FSTL5: variants seen among roughly 807,000 people sequenced by gnomAD.
FSTL5 encodes follistatin-related protein 5.
Under a neutral mutation model 89.1 loss-of-function variants are expected in FSTL5, and 62 were observed. The observed-to-expected ratio is 0.70, with a 90% confidence interval of 0.57 to 0.86. The LOEUF (loss-of-function observed/expected upper bound fraction) is 0.86. Ranked by LOEUF, FSTL5 falls within the 40% of genes least tolerant of loss-of-function variation. The probability of loss-of-function intolerance (pLI) is 0.00; values close to 1 mark genes in which losing one functional copy is unlikely to be tolerated. For missense variants in FSTL5, 1,057 were observed against 1,001.6 expected (o/e 1.06, Z -0.75); for synonymous variants, 383 against 346.2 (o/e 1.11, Z -1.18).
chr4:162,149,479 TAA>T (rs946194086), intron 1 of FSTL5, among the ~76,000 whole-genome samples: 7 of 89,084 alleles, frequency 7.9e-5, no homozygotes, highest in African/African-American at 1.5e-4. Flanking sequence ...ATGTAAAATT[TAA>T]AAAAAAAAAA....
At chr4:161,827,269 T>TA (rs1730697448) in intron 4 of FSTL5, among the ~76,000 whole-genome samples, 1 of 152,222 alleles carries the variant, frequency 6.6e-6, no homozygotes. Context: ...GGAGTGGTTC[T>TA]AGGGAGTGCC....
chr4:162,104,281 G>C (rs980418917), intron 2 of FSTL5, among the ~76,000 whole-genome samples: 1 of 152,116 alleles, frequency 6.6e-6, no homozygotes, highest in African/African-American at 2.4e-5. Context: ...GTTCTCTTCC[G>C]TGACCAATGG....
chr4:161,412,276 CA>C (rs1400798705), intron 15 of FSTL5, among the ~76,000 whole-genome samples: 3 of 152,038 alleles, frequency 2.0e-5, no homozygotes, highest in African/African-American at 7.3e-5. Flanking sequence ...AAGCATTTTA[CA>C]AATGCAATGC....
At chr4:161,485,005 G>A (rs776751742) in intron 12 of FSTL5, among the ~76,000 whole-genome samples, 4 of 152,102 alleles carry the variant, frequency 2.6e-5, no homozygotes, top group Non-Finnish European at 5.9e-5. Flanking sequence ...TAAGAAAAAG[G>A]AGTACAATTT....
chr4:162,110,796 T>C (rs149555700), intron 2 of FSTL5, among the ~76,000 whole-genome samples: 4 of 151,788 alleles, frequency 2.6e-5, no homozygotes, highest in Admixed American at 2.6e-4. Context: ...AAACCCCATA[T>C]TGTGAAAATT....
chr4:161,851,621 A>G (rs1370859161), intron 4 of FSTL5, among the ~76,000 whole-genome samples: 1 of 152,152 alleles, frequency 6.6e-6, no homozygotes, highest in Non-Finnish European at 1.5e-5. Flanking sequence ...ATTTTGCCAC[A>G]TCTGAAATAA....
At chr4:162,013,225 A>C (rs1293893212) in intron 3 of FSTL5, among the ~76,000 whole-genome samples, 1 of 152,000 alleles carries the variant, frequency 6.6e-6, no homozygotes, top group African/African-American at 2.4e-5. Context: ...CACAATGTCT[A>C]TTACAATTGA....
chr4:161,562,948 G>C (rs980079100), intron 8 of FSTL5, among the ~76,000 whole-genome samples: 3 of 151,814 alleles, frequency 2.0e-5, no homozygotes, highest in Admixed American at 2.0e-4. Flanking sequence ...TGTCCTCCAG[G>C]TTCATACATG....
chr4:161,911,490 A>G (rs942495263), intron 4 of FSTL5, among the ~76,000 whole-genome samples: 1 of 152,184 alleles, frequency 6.6e-6, no homozygotes, highest in South Asian at 2.1e-4. Flanking sequence ...ATTACAATGC[A>G]TGTTCAGATT....
chr4:161,416,999 C>A (rs568258623), intron 15 of FSTL5, among the ~76,000 whole-genome samples: 3 of 151,932 alleles, frequency 2.0e-5, no homozygotes, highest in Admixed American at 2.0e-4. Context: ...ACATTTAATA[C>A]AATGTTTATT....
At chr4:161,502,059 T>C (rs1027048508) in intron 11 of FSTL5, among the ~76,000 whole-genome samples, 4 of 152,060 alleles carry the variant, frequency 2.6e-5, no homozygotes, top group African/African-American at 7.2e-5. Context: ...TCAGTGAATA[T>C]GACTACCCTT....
intron 4 of FSTL5, among the ~76,000 whole-genome samples, chr4:161,830,773 G>T (rs2126860791): frequency 6.6e-6 from 1 of 151,950 alleles, no homozygotes. Flanking sequence ...GAATTTTGCA[G>T]CAAAACAAAA....
chr4:161,935,630 T>G (rs1465515104), intron 3 of FSTL5, among the ~76,000 whole-genome samples: 1 of 152,120 alleles, frequency 6.6e-6, no homozygotes, highest in African/African-American at 2.4e-5. Context: ...TATGAAGGTT[T>G]TTTTAAAGCT....
intron 4 of FSTL5, among the ~76,000 whole-genome samples, chr4:161,880,764 T>C: frequency 6.6e-6 from 1 of 152,164 alleles, no homozygotes; most frequent in Middle Eastern, 3.2e-3. Context: ...TTTCAAATAC[T>C]TTATGCTTAG....
rs544856552 is a variant in FSTL5, at chr4:162,035,144, G to T, written c.127-1486C>A. The T allele has an allele frequency of 1.3e-3, 195 of 152,094 alleles. 1 individual carries two copies. The highest frequency in any genetic ancestry group is 4.1e-3 in the African/African-American group (171 of 41,524). 9.4% of individuals were successfully genotyped at this position (152,094 alleles called of 1,614,324 possible). ...CTATTAACATTCATTCATTCATTCA[G>T]TCAGTCAGTCTTTTATTCATTCATT... On this transcript the variant is annotated intron_variant, in intron 2 of 15. Transcript: ENST00000306100.
intron 3 of FSTL5, among the ~76,000 whole-genome samples, chr4:162,001,711 C>G (rs979046377): frequency 5.3e-5 from 8 of 151,886 alleles, no homozygotes; most frequent in African/African-American, 1.9e-4. Flanking sequence ...AATGTTATTA[C>G]TAAGTGTTAG....
At chr4:161,701,445 C>T (rs781260561) in intron 6 of FSTL5, among the ~76,000 whole-genome samples, 5 of 151,854 alleles carry the variant, frequency 3.3e-5, no homozygotes, top group Non-Finnish European at 5.9e-5. Context: ...CCCAAAGTAA[C>T]TTTCACAAGT....
At chr4:161,903,228 C>CT (rs34520755) in intron 4 of FSTL5, among the ~76,000 whole-genome samples, 2 of 151,794 alleles carry the variant, frequency 1.3e-5, no homozygotes, top group Non-Finnish European at 1.5e-5. Flanking sequence ...TGTGCCAACT[C>CT]TTTTAGCACA....
chr4:161,792,861 T>C (rs1729521554), intron 4 of FSTL5, among the ~76,000 whole-genome samples: 2 of 152,166 alleles, frequency 1.3e-5, no homozygotes, highest in Non-Finnish European at 2.9e-5. Flanking sequence ...TGGAGGGACT[T>C]AAAAGAGCTG....
Sources: gnomAD v4.1 joint callset for allele counts (sites outside exome capture counted in the v4.1 genomes callset) on GRCh38, gnomAD v4.1.1 for gene constraint, MANE v1.5 for transcripts, NCBI Gene and HGNC (gene_info 2026-07-23, HGNC 2026-07-21) for gene names.